Variants in KCNH8 observed in about 807,000 individuals in gnomAD.
KCNH8 encodes voltage-gated delayed rectifier potassium channel KCNH8.
A neutral mutation model predicts 103.6 loss-of-function variants in KCNH8; 70 were observed. That is an observed-to-expected ratio of 0.68 (90% CI 0.56 to 0.82). The LOEUF (loss-of-function observed/expected upper bound fraction) is 0.82, where lower values mean the gene tolerates loss of function less well. Among genes scored for constraint, KCNH8 ranks in the 40% least tolerant of loss-of-function variants. The pLI is 0.00. For missense variants in KCNH8, 1,217 were observed against 1,329.9 expected (o/e 0.92, Z 1.32); for synonymous variants, 498 against 489.4 (o/e 1.02, Z -0.23).
At chr3:19,338,321 A>T (rs2065612758) in intron 3 of KCNH8, among the ~76,000 whole-genome samples, 1 of 151,696 alleles carries the variant, frequency 6.6e-6, no homozygotes, top group African/African-American at 2.4e-5. Context: ...TTGCTCCTCG[A>T]CCCTATCTTA....
intron 11 of KCNH8, among the ~76,000 whole-genome samples, chr3:19,488,295 T>C (rs2068252089): frequency 6.6e-6 from 1 of 152,256 alleles, no homozygotes; most frequent in Non-Finnish European, 1.5e-5. Flanking sequence ...TTTGGGGGAA[T>C]TCCCTTAATG....
At chr3:19,439,232 A>G (rs2067243457) in intron 8 of KCNH8, among the ~76,000 whole-genome samples, 1 of 152,220 alleles carries the variant, frequency 6.6e-6, no homozygotes, top group South Asian at 2.1e-4. Flanking sequence ...ACAATCAAAA[A>G]CAGGAACAAA....
intron 1 of KCNH8, among the ~76,000 whole-genome samples, chr3:19,196,079 C>G (rs2063598890): frequency 6.6e-6 from 1 of 152,014 alleles, no homozygotes; most frequent in African/African-American, 2.4e-5. Context: ...GTCTGAAACT[C>G]AAAACCCTGT....
rs372901339 is a variant in KCNH8 at position 19,263,583 on chromosome 3, TGGTG to T, written c.310+9700_310+9703del. 2.2e-3 allele frequency among the ~76,000 whole-genome samples: 329 copies of T among 152,206 alleles called. 5 individuals are homozygous for T. Among genetic ancestry groups the T allele is most frequent in the African/African-American group, 7.3e-3 (305 of 41,562 alleles). On this transcript the variant is annotated intron_variant, in intron 2 of 15. Transcript: ENST00000328405. The stretch of plus-strand genomic sequence containing the variant: ...GTGCCTACGCAAGGCCTCGTCAGCA[TGGTG>T]GGTTTGGGTAGTCGCTAGTCTGGTA...
intron 5 of KCNH8, among the ~76,000 whole-genome samples, chr3:19,376,850 C>T (rs935731025): frequency 2.6e-5 from 4 of 152,142 alleles, no homozygotes; most frequent in Non-Finnish European, 4.4e-5. Context: ...TCTCATTCCC[C>T]TTTTTGGGAG....
intron 2 of KCNH8, among the ~76,000 whole-genome samples, chr3:19,259,905 A>G (rs1227981585): frequency 6.6e-6 from 1 of 151,842 alleles, no homozygotes; most frequent in East Asian, 1.9e-4. Context: ...CTGGATATGT[A>G]TGAAGCAAAT....
chr3:19,264,055 A>G (rs758608735), intron 2 of KCNH8, among the ~76,000 whole-genome samples: 1 of 152,040 alleles, frequency 6.6e-6, no homozygotes, highest in Admixed American at 6.6e-5. Flanking sequence ...CATGCCCTCA[A>G]ATAGAAAGCA....
rs1461927444 is a variant in KCNH8, at chr3:19,510,379, C to T, written c.2057C>T (p.Ser686Leu). Residue 686 changes from serine (S) to leucine (L), a missense_variant, in exon 12 of 16, where the codon TCA becomes TTA. By Grantham distance (145) the Ser-to-Leu change is moderately radical. Coordinates refer to ENST00000328405, the MANE Select transcript of KCNH8 (RefSeq NM_144633.3). The stretch of plus-strand genomic sequence containing the variant: ...TTCTTTCAGGTGATATCAAGACTAT[C>T]AAACAAATCTATGGTCTCACAGGTA... ...GHESDVISRL[S>L]NKSMVSQSEP... 1 of 1,583,158 alleles carries T rather than the reference C, an allele frequency of 6.3e-7. No homozygotes were observed. The highest frequency in any genetic ancestry group is 8.7e-7 in the Non-Finnish European group (1 of 1,152,076).
intron 1 of KCNH8, among the ~76,000 whole-genome samples, chr3:19,238,310 A>T (rs1322014107): frequency 6.6e-6 from 1 of 152,246 alleles, no homozygotes; most frequent in South Asian, 2.1e-4. Context: ...TTTCCTGGAC[A>T]AACCTAGAAT....
chr3:19,405,010 T>C (rs769789357), intron 7 of KCNH8, among the ~76,000 whole-genome samples: 46 of 151,994 alleles, frequency 3.0e-4, no homozygotes, highest in Non-Finnish European at 5.6e-4. Context: ...CTCATTTACT[T>C]ATTTAGATAA....
At position 19,153,502 on chromosome 3, in the gene KCNH8, C is replaced by T. The variant is rs113764308; in HGVS notation, c.76+4707C>T. Among the ~76,000 whole-genome samples, 479 of 152,248 alleles carry T rather than the reference C, an allele frequency of 3.1e-3. 2 individuals are homozygous for T. Among genetic ancestry groups the T allele is most frequent in the South Asian group, 0.014 (67 of 4,822 alleles). On this transcript the variant is annotated intron_variant, in intron 1 of 15. Transcript: ENST00000328405. ...GAAGCATATTGAGGATCCTGAGTTA[C>T]TAGTTTCTGAGATATCCTAGACTCA...
intron 3 of KCNH8, among the ~76,000 whole-genome samples, chr3:19,308,277 T>A (rs1010637060): frequency 2.9e-5 from 4 of 137,230 alleles, no homozygotes; most frequent in Non-Finnish European, 6.3e-5. Context: ...GAACAGGGAA[T>A]TTTTCCCTCA....
At chr3:19,252,034 T>C (rs890428883) in intron 1 of KCNH8, among the ~76,000 whole-genome samples, 1 of 152,210 alleles carries the variant, frequency 6.6e-6, no homozygotes, top group African/African-American at 2.4e-5. Flanking sequence ...ACTGTTGGTA[T>C]ACCAAGTGTC....
In KCNH8 at chr3:19,183,302, A is replaced by G. The variant is rs139375254; in HGVS notation, c.76+34507A>G. Among the ~76,000 whole-genome samples, 445 of 152,312 alleles carry G rather than the reference A, an allele frequency of 2.9e-3. 5 individuals are homozygous for G. Among genetic ancestry groups the G allele is most frequent in the African/African-American group, 9.7e-3 (405 of 41,570 alleles). On this transcript the variant is annotated intron_variant, in intron 1 of 15. Transcript: ENST00000328405. ...CCTGGAGAATATAAATACTGTTAGA[A>G]CAAAAAAACACACTAAAGATAATGT...
chr3:19,229,361 C>G (rs1388028175), intron 1 of KCNH8, among the ~76,000 whole-genome samples: 1 of 152,232 alleles, frequency 6.6e-6, no homozygotes, highest in East Asian at 1.9e-4. Flanking sequence ...AAGCTTCTGC[C>G]TGGCCATCCA....
intron 7 of KCNH8, among the ~76,000 whole-genome samples, chr3:19,401,042 A>G (rs1322847095): frequency 1.3e-5 from 2 of 152,028 alleles, no homozygotes; most frequent in African/African-American, 4.8e-5. Context: ...TAAAGTGGAC[A>G]CTAGTGAAGG....
chr3:19,206,620 T>C (rs1394540778), intron 1 of KCNH8, among the ~76,000 whole-genome samples: 1 of 152,040 alleles, frequency 6.6e-6, no homozygotes, highest in Non-Finnish European at 1.5e-5. Flanking sequence ...GGTGTTATCC[T>C]GTACCTTATA....
chr3:19,232,823 C>CTTGGAAA (rs1327800239), intron 1 of KCNH8, among the ~76,000 whole-genome samples: 21 of 152,172 alleles, frequency 1.4e-4, no homozygotes, highest in African/African-American at 3.9e-4. Context: ...TCACGTGTAG[C>CTTGGAAA]TACAGGTCTC....
Position 19,456,716 on chromosome 3 carries a change from A to G in KCNH8, c.1826-52A>G, listed in dbSNP as rs886198779. ...AGCCTGTAAGTCAAATGAGGTTATC[A>G]GTCCTAAGCTTGCTTTTTTTTTTTG... On this transcript the variant is annotated intron_variant, in intron 10 of 15. Coordinates refer to ENST00000328405, the MANE Select transcript of KCNH8 (RefSeq NM_144633.3). 10 of 1,175,382 alleles carry G rather than the reference A, an allele frequency of 8.5e-6. No homozygotes were observed. The African/African-American group carries it at 1.4e-4, about 16-fold the overall frequency. 72.8% of individuals were successfully genotyped at this position (1,175,382 alleles called of 1,614,324 possible). A position where few individuals can be genotyped will look rare whatever the true frequency, so the allele number is the denominator to read the frequency against.
Sources: gnomAD v4.1 joint callset for allele counts (sites outside exome capture counted in the v4.1 genomes callset) on GRCh38, gnomAD v4.1.1 for gene constraint, MANE v1.5 for transcripts, NCBI Gene and HGNC (gene_info 2026-07-23, HGNC 2026-07-21) for gene names.